Variants in AATK observed in about 807,000 individuals in gnomAD.
AATK encodes serine/threonine-protein kinase LMTK1.
In AATK, 91 loss-of-function variants were observed where a neutral mutation model predicts 114.3. The ratio of observed to expected loss-of-function variants is 0.80; its 90% CI spans 0.67 to 0.95. The LOEUF (loss-of-function observed/expected upper bound fraction) is 0.95. Ranked by LOEUF, AATK falls within the 40% of genes least tolerant of loss-of-function variation. The pLI is 0.00. For missense variants in AATK, 2,176 were observed against 1,965.2 expected (o/e 1.11, Z -2.03); for synonymous variants, 1,075 against 916.5 (o/e 1.17, Z -3.12).
rs746338931 is a variant in AATK, at chr17:81,122,012, G to A, written c.1924C>T (p.Pro642Ser). 5 of 1,601,178 alleles carry A rather than the reference G, an allele frequency of 3.1e-6. No homozygotes were observed. Among genetic ancestry groups the A allele is most frequent in the Non-Finnish European group, 4.2e-6 (5 of 1,179,244 alleles). The stretch of plus-strand genomic sequence containing the variant: ...CTCCCCAAAGGGGACGTGCCCAGTG[G>A]GTCCTCGAAGAAGGCAGGACAGAAG... ...AAFCPAFFED[P>S]LGTSPLGSSG... Residue 642 changes from proline (P) to serine (S), a missense_variant, in exon 11 of 14, where the codon CCA becomes TCA. By Grantham distance (74) the Pro-to-Ser change is moderately conservative. Around this residue, in one of 4 missense-constraint regions of AATK, gnomAD observed 1,701 missense variants for 1,394.7 expected, o/e 1.22. Transcript: ENST00000326724.
At chr17:81,127,503 G>A (rs563443062) in intron 6 of AATK, 80 bp downstream of exon 6, 5 of 1,384,798 alleles carry the variant, frequency 3.6e-6, no homozygotes, top group Middle Eastern at 1.8e-4. Flanking sequence ...CCCAAGGAGG[G>A]GGTGGCACCA....
At chr17:81,138,541 CGCGT>C (rs1567817958) in intron 1 of AATK, among the ~76,000 whole-genome samples, 1 of 149,198 alleles carries the variant, frequency 6.7e-6, no homozygotes, top group East Asian at 2.1e-4. Flanking sequence ...CATACACGTT[CGCGT>C]GCACACACGT....
chr17:81,121,082 T>G lies in AATK; in HGVS notation c.2854A>C (p.Lys952Gln). The G allele has an allele frequency of 6.2e-7, 1 of 1,606,688 alleles. No homozygotes were observed. Among genetic ancestry groups the G allele is most frequent in the Non-Finnish European group, 8.5e-7 (1 of 1,176,582 alleles). ...ENYESPEFVL[K>Q]EAQEGCEPQA... The stretch of plus-strand genomic sequence containing the variant: ...GGCTCACACCCTTCCTGCGCCTCCT[T>G]GAGCACAAACTCAGGGGACTCATAG... The change falls in exon 11 of 14, where the codon AAG becomes CAG. Residue 952 changes from lysine (K) to glutamine (Q), a missense_variant. Physicochemically the swap from Lys to Gln is moderately conservative, Grantham distance 53. This residue lies in a region of AATK where 1,701 missense variants were observed against 1,394.7 expected (regional missense o/e 1.22). Transcript: ENST00000326724.
chr17:81,131,320 G>T, intron 2 of AATK, 115 bp from the exon 3 acceptor site: 1 of 1,374,394 alleles, frequency 7.3e-7, no homozygotes, highest in Non-Finnish European at 9.6e-7. Context: ...GCAGGAGGGG[G>T]TGCTCGGCCC....
chr17:81,121,636 T>C lies in AATK; in HGVS notation c.2300A>G (p.Glu767Gly), dbSNP rs1265756794. 4.0e-6 allele frequency: 6 copies of C among 1,492,370 alleles called. No homozygotes were observed. The Admixed American group carries it at 1.4e-4, about 35-fold the overall frequency. The allele number at this position is 1,492,370 out of a possible 1,614,324, so 92.4% of individuals were successfully genotyped here. A position where few individuals can be genotyped will look rare whatever the true frequency, so the allele number is the denominator to read the frequency against. ...GTGGTCACCCCCACTACTGGCTGTC[T>C]CTGTCCAGGAGGGTGTAACCAGGCA... Reference protein sequence around the residue: ...APCLVTPSWTETASSGGDHPQ... With the variant: ...APCLVTPSWTGTASSGGDHPQ... The change falls in exon 11 of 14, where the codon GAG becomes GGG. Residue 767 changes from glutamate to glycine, a missense_variant. By Grantham distance (98) the Glu-to-Gly change is moderately conservative. Coordinates refer to ENST00000326724, the MANE Select transcript of AATK (RefSeq NM_001080395.3).
At chr17:81,138,203 A>G (rs562910639) in intron 1 of AATK, among the ~76,000 whole-genome samples, 1 of 147,180 alleles carries the variant, frequency 6.8e-6, no homozygotes, top group Non-Finnish European at 1.5e-5. Context: ...ACACACACAC[A>G]CCCCCACATG....
intron 12 of AATK, 138 bp downstream of exon 12, chr17:81,119,798 C>A (rs1339756861): frequency 3.0e-6 from 4 of 1,316,392 alleles, no homozygotes; most frequent in Non-Finnish European, 4.0e-6. Flanking sequence ...CATGACGACA[C>A]GGGCCAAAGC....
intron 13 of AATK, 32 bp from the exon 14 acceptor site, chr17:81,118,474 GT>G: frequency 6.2e-7 from 1 of 1,600,606 alleles, no homozygotes; most frequent in Middle Eastern, 1.7e-4. Flanking sequence ...TGAACACAGG[GT>G]TCTGAGACAC....
At chr17:81,137,616 C>T (rs1043634558) in intron 1 of AATK, among the ~76,000 whole-genome samples, 6 of 152,158 alleles carry the variant, frequency 3.9e-5, no homozygotes, top group East Asian at 1.9e-4. Context: ...AGGGCCAGGA[C>T]TAGTGCCCTG....
intron 1 of AATK, among the ~76,000 whole-genome samples, chr17:81,138,094 G>A (rs1166047246): frequency 3.7e-5 from 5 of 136,114 alleles, no homozygotes; most frequent in Middle Eastern, 6.0e-3. Flanking sequence ...GTGCACACAC[G>A]CGGACACATA....
intron 3 of AATK, among the ~76,000 whole-genome samples, chr17:81,130,408 C>G (rs576813736): frequency 6.6e-6 from 1 of 152,164 alleles, no homozygotes; most frequent in Non-Finnish European, 1.5e-5. Context: ...ACGTCCGCCC[C>G]ATGTGAGTGG....
At position 81,124,745 on chromosome 17, in the gene AATK, G is replaced by T. The variant is rs1237460845; in HGVS notation, c.944C>A (p.Thr315Asn). The change falls in exon 9 of 14, where the codon ACC becomes AAC. Residue 315 changes from threonine to asparagine, a missense_variant. Transcript: ENST00000326724. ...VHSNLLVVDQ[T>N]KSGNVWSLGV... ...CACTCACCACACATTCCCGCTCTTG[G>T]TCTGGTCCACGACGAGCAGGTTGCT... The T allele has an allele frequency of 1.9e-6, 3 of 1,612,710 alleles. No homozygotes were observed. The highest frequency in any genetic ancestry group is 2.5e-6 in the Non-Finnish European group (3 of 1,179,780).
At chr17:81,144,048 G>A (rs2061180255) in intron 1 of AATK, among the ~76,000 whole-genome samples, 1 of 152,058 alleles carries the variant, frequency 6.6e-6, no homozygotes, top group Non-Finnish European at 1.5e-5. Context: ...AGCACATAAG[G>A]TGTGGCTCTC....
At chr17:81,118,495 C>T in intron 13 of AATK, 53 bp from the exon 14 acceptor site, 1 of 1,576,844 alleles carries the variant, frequency 6.3e-7, no homozygotes, top group Non-Finnish European at 8.6e-7. Flanking sequence ...CCAGGGCTGC[C>T]TCCCCCGCAA....
intron 3 of AATK, among the ~76,000 whole-genome samples, chr17:81,130,739 C>T (rs1411712030): frequency 2.0e-5 from 3 of 152,136 alleles, no homozygotes; most frequent in Non-Finnish European, 4.4e-5. Context: ...CCACCCCTGC[C>T]CCGTGCCCAC....
chr17:81,120,932 C>A lies in AATK; in HGVS notation c.3004G>T (p.Glu1002Ter). 1.2e-6 allele frequency: 2 copies of A among 1,604,416 alleles called. No homozygotes were observed. Among genetic ancestry groups the A allele is most frequent in the Non-Finnish European group, 1.7e-6 (2 of 1,176,166 alleles). ...CCTGAGGTGGCCTCGGCCTCAGCCT[C>A]GAGGTCTGAGAAGTAGGCAGAGTCT... ...YRDSAYFSDLEAEAEATSGPE... is the reference protein window; with the variant it reads ...YRDSAYFSDL Residue 1002 changes from glutamate (E) to a stop codon, truncating the protein, a stop_gained, in exon 11 of 14, where the codon GAG becomes TAG. Transcript: ENST00000326724. LOFTEE classifies it high-confidence loss of function.
intron 1 of AATK, among the ~76,000 whole-genome samples, chr17:81,138,254 CAG>C (rs199590886): frequency 2.2e-3 from 312 of 139,974 alleles, no homozygotes; most frequent in Non-Finnish European, 3.6e-3. Context: ...CACACATGCA[CAG>C]AGACATACCC....
At position 81,126,563 on chromosome 17, in the gene AATK, G is replaced by C; in HGVS notation, c.622-3C>G. ...CGCAGGTAGCCCTTGAGGTCCCCCT[G>C]CAGAAAGGGGGTGTGGCGCAGTCAC... On this transcript the variant is annotated splice_polypyrimidine_tract_variant and splice_region_variant and intron_variant, in intron 6 of 13. Coordinates refer to ENST00000326724, the MANE Select transcript of AATK (RefSeq NM_001080395.3). The surrounding 1 kb of genome is among the most constrained non-coding windows in gnomAD (Gnocchi z 5.1). The C allele has an allele frequency of 6.5e-7, 1 of 1,537,944 alleles. No homozygotes were observed. The highest frequency in any genetic ancestry group is 8.8e-7 in the Non-Finnish European group (1 of 1,137,160).
Position 81,142,783 on chromosome 17 carries a change from C to CCCAG in AATK, c.56-8286_56-8283dup, listed in dbSNP as rs1285703867. 4.6e-5 allele frequency among the ~76,000 whole-genome samples: 7 copies of CCCAG among 151,952 alleles called. No homozygotes were observed. The South Asian group carries it at 6.2e-4, about 14-fold the overall frequency. On this transcript the variant is annotated intron_variant, in intron 1 of 13. Transcript: ENST00000326724. Reference sequence around the variant, plus strand: ...AGTAAGGACCCAGCCCCACCCCCGCCCCAGCCAGCCAGCCTCCCTGTCCCC... The same window carrying CCCAG: ...AGTAAGGACCCAGCCCCACCCCCGCCCCAGCCAGCCAGCCAGCCTCCCTGTCCCC...
Sources: gnomAD v4.1 joint callset for allele counts (sites outside exome capture counted in the v4.1 genomes callset) on GRCh38, gnomAD v4.1.1 for gene constraint, gnomAD v4.1.1 regional missense constraint, Gnocchi (gnomAD v3.1) non-coding constraint, MANE v1.5 for transcripts, NCBI Gene and HGNC (gene_info 2026-07-23, HGNC 2026-07-21) for gene names.